Variants in EPS15 observed in about 807,000 individuals in gnomAD.
EPS15 encodes the protein epidermal growth factor receptor pathway substrate 15.
In EPS15, 72 loss-of-function variants were observed where a neutral mutation model predicts 113.8. The ratio of observed to expected loss-of-function variants is 0.63; its 90% CI spans 0.52 to 0.77. EPS15 has a LOEUF of 0.77. EPS15 is among the 30% of genes least tolerant of loss of function. The pLI, the probability that EPS15 is intolerant of heterozygous loss-of-function variation, is 0.00. For synonymous variants in EPS15, 344 were observed against 363.4 expected (o/e 0.95, Z 0.61); for missense variants, 1,048 against 1,045.8 (o/e 1.00, Z -0.03).
In EPS15 at chr1:51,447,012, G is replaced by A. The variant is rs754767920; in HGVS notation, c.745C>T (p.Arg249Cys). 23 of 1,612,914 alleles carry A rather than the reference G, an allele frequency of 1.4e-5. No homozygotes were observed. Among genetic ancestry groups the A allele is most frequent in the Admixed American group, 3.3e-5 (2 of 59,972 alleles). Residue 249 changes from arginine to cysteine, a missense_variant, in exon 10 of 25, where the codon CGT (arginine) becomes TGT (cysteine). Coordinates refer to ENST00000371733, the MANE Select transcript of EPS15 (RefSeq NM_001981.3). ...MDGFVSGLEV[R>C]EIFLKTGLPS... ...AAACCTGTTTTCAAGAATATTTCAC[G>A]GACCTCCAATCCAGACACAAATCCG... is the stretch of plus-strand genomic sequence containing the variant.
rs138370571 is a variant in EPS15 at position 51,426,426 on chromosome 1, G to C, written c.1041-4568C>G. Among the ~76,000 whole-genome samples the C allele has an allele frequency of 1.0e-3, 153 of 147,630 alleles. 1 individual carries two copies. The highest frequency in any genetic ancestry group is 3.8e-3 in the African/African-American group (151 of 39,692). On this transcript the variant is annotated intron_variant, in intron 12 of 24. Transcript: ENST00000371733. The stretch of plus-strand genomic sequence containing the variant: ...TGCCTTTATTTGGAACTGATAAAAA[G>C]CTAGCATTCTAGGTAGCAAGCCCTG...
intron 6 of EPS15, among the ~76,000 whole-genome samples, chr1:51,464,497 C>T (rs900470608): frequency 5.9e-5 from 9 of 152,066 alleles, no homozygotes; most frequent in Admixed American, 5.9e-4. Context: ...GCCTCACCCT[C>T]CCAAAGTGCT....
chr1:51,508,246 G>GA (rs753176134), intron 1 of EPS15, among the ~76,000 whole-genome samples: 4 of 58,794 alleles, frequency 6.8e-5, no homozygotes, highest in East Asian at 3.8e-4. Flanking sequence ...AAGAAAGAGA[G>GA]AAAGAGAGAG....
At chr1:51,444,512 A>C (rs1652851798) in intron 11 of EPS15, among the ~76,000 whole-genome samples, 1 of 152,224 alleles carries the variant, frequency 6.6e-6, no homozygotes, top group Non-Finnish European at 1.5e-5. Context: ...CTGTTTTCAA[A>C]TCTGTATCAT....
At chr1:51,423,508 T>C (rs968802187) in intron 12 of EPS15, 8 of 985,388 alleles carry the variant, frequency 8.1e-6, no homozygotes, top group African/African-American at 1.7e-5. Flanking sequence ...ATAAGTCACA[T>C]GAAAATCTAG....
intron 1 of EPS15, among the ~76,000 whole-genome samples, chr1:51,500,920 G>A (rs1644399966): frequency 1.3e-5 from 2 of 151,450 alleles, no homozygotes; most frequent in South Asian, 4.2e-4. Flanking sequence ...GGAGGTGGAG[G>A]CTGAAGTGAG....
intron 21 of EPS15, among the ~76,000 whole-genome samples, chr1:51,369,314 G>A (rs910035786): frequency 6.6e-5 from 10 of 152,122 alleles, no homozygotes; most frequent in African/African-American, 1.7e-4. Flanking sequence ...GCAGAGGCCC[G>A]TTCAGAAAGC....
At chr1:51,452,139 C>A (rs1653625652) in intron 8 of EPS15, among the ~76,000 whole-genome samples, 1 of 151,946 alleles carries the variant, frequency 6.6e-6, no homozygotes, top group Non-Finnish European at 1.5e-5. Context: ...CCCACCCCAG[C>A]CTCCCAAAAT....
chr1:51,414,318 C>G (rs1395560616), intron 13 of EPS15, among the ~76,000 whole-genome samples: 1 of 151,578 alleles, frequency 6.6e-6, no homozygotes, highest in Non-Finnish European at 1.5e-5. Flanking sequence ...GAGACTGAGG[C>G]AGGAGGATCA....
At chr1:51,514,080 C>T (rs569373114) in intron 1 of EPS15, among the ~76,000 whole-genome samples, 5 of 152,172 alleles carry the variant, frequency 3.3e-5, no homozygotes, top group East Asian at 1.9e-4. Flanking sequence ...CTTTCTTCTA[C>T]GCATGCTTAA....
At chr1:51,424,102 A>T in intron 12 of EPS15, among the ~76,000 whole-genome samples, 1 of 152,336 alleles carries the variant, frequency 6.6e-6, no homozygotes, top group Middle Eastern at 3.4e-3. Flanking sequence ...CTGGTCTTAC[A>T]ATATTCCTTT....
At chr1:51,495,422 C>G (rs1023341602) in intron 1 of EPS15, among the ~76,000 whole-genome samples, 6 of 150,874 alleles carry the variant, frequency 4.0e-5, no homozygotes, top group South Asian at 4.2e-4. Flanking sequence ...GGGAACCATA[C>G]AGAATACCAG....
At chr1:51,368,740 G>A (rs1018203543) in intron 21 of EPS15, among the ~76,000 whole-genome samples, 5 of 151,932 alleles carry the variant, frequency 3.3e-5, no homozygotes, top group African/African-American at 9.7e-5. Context: ...TGGGAATACA[G>A]GTGTGTGCCA....
At chr1:51,486,198 A>T (rs12753628) in intron 1 of EPS15, among the ~76,000 whole-genome samples, 1 of 150,108 alleles carries the variant, frequency 6.7e-6, no homozygotes, top group Non-Finnish European at 1.5e-5. Flanking sequence ...CGGGTGGATC[A>T]CCTGAGGTCA....
intron 12 of EPS15, chr1:51,423,282 TG>T: frequency 7.8e-7 from 1 of 1,288,046 alleles, no homozygotes; most frequent in South Asian, 1.2e-5. Flanking sequence ...GAATCATTGT[TG>T]CAGCCCGATC....
chr1:51,515,799 T>C (rs373282482), intron 1 of EPS15, among the ~76,000 whole-genome samples: 1 of 152,214 alleles, frequency 6.6e-6, no homozygotes, highest in Non-Finnish European at 1.5e-5. Context: ...AACAGTGAAA[T>C]AGCTTTTGAA....
chr1:51,365,175 T>C (rs985329398), intron 22 of EPS15, among the ~76,000 whole-genome samples: 4 of 152,182 alleles, frequency 2.6e-5, no homozygotes, highest in African/African-American at 9.7e-5. Flanking sequence ...CTTTCAAATA[T>C]GTAACAAAAG....
intron 1 of EPS15, 85 bp downstream of exon 1, chr1:51,519,114 A>G: frequency 8.2e-6 from 8 of 972,018 alleles, no homozygotes; most frequent in South Asian, 7.7e-5. Context: ...TGCTTGGCCC[A>G]CAAGCCAAGA....
intron 1 of EPS15, among the ~76,000 whole-genome samples, chr1:51,510,620 A>G (rs1270426183): frequency 1.3e-5 from 2 of 152,154 alleles, no homozygotes; most frequent in East Asian, 3.8e-4. Context: ...AGAAGACCAC[A>G]CTAAGTTTCC....
Sources: gnomAD v4.1 joint callset for allele counts (sites outside exome capture counted in the v4.1 genomes callset) on GRCh38, gnomAD v4.1.1 for gene constraint, MANE v1.5 for transcripts, NCBI Gene and HGNC (gene_info 2026-07-23, HGNC 2026-07-21) for gene names.